Variants in AKAP6 observed in about 807,000 individuals in gnomAD.
The protein encoded by AKAP6 is A-kinase anchoring protein 6, also known as A-kinase anchor protein 6.
AKAP6 carries 58 observed loss-of-function variants against 188.5 expected under a neutral mutation model. The ratio of observed to expected loss-of-function variants is 0.31; its 90% CI spans 0.25 to 0.38. AKAP6 has a LOEUF of 0.38. AKAP6 is among the 10% of genes least tolerant of loss of function. AKAP6 has a pLI of 1.00. For missense variants in AKAP6, 2,710 were observed against 2,740.0 expected (o/e 0.99, Z 0.24); for synonymous variants, 989 against 998.6 (o/e 0.99, Z 0.18).
chr14:32,644,181 A>G (rs574410388), intron 7 of AKAP6, among the ~76,000 whole-genome samples: 1 of 152,322 alleles, frequency 6.6e-6, no homozygotes, highest in South Asian at 2.1e-4. Context: ...ACAGAATGAT[A>G]CAAAGGCACT....
intron 9 of AKAP6, among the ~76,000 whole-genome samples, chr14:32,722,611 A>C (rs1941456178): frequency 6.6e-6 from 1 of 152,162 alleles, no homozygotes; most frequent in Non-Finnish European, 1.5e-5. Context: ...TGCAGCACAG[A>C]AGGAGAGAAG....
At position 32,824,647 on chromosome 14, in the gene AKAP6, A is replaced by C. The variant is rs772177193; in HGVS notation, c.6834A>C (p.Gln2278His). ...CTGCTTCAGCCAAATCTAAAGTTCA[A>C]GACCTCTCCTTGAAGGCAAATCAGC... ...HNAASAKSKV[Q>H]DLSLKANQPT... Residue 2278 changes from glutamine to histidine, a missense_variant, in exon 13 of 14, where the codon CAA (glutamine) becomes CAC (histidine). Around this residue, in one of 2 missense-constraint regions of AKAP6, gnomAD observed 2,473 missense variants for 2,426.1 expected, o/e 1.02. Transcript: ENST00000280979. The C allele has an allele frequency of 2.5e-6, 4 of 1,613,962 alleles. No individual in the cohort carries two copies. In the Admixed American group the frequency reaches 6.7e-5, roughly 27 times the overall value.
intron 11 of AKAP6, among the ~76,000 whole-genome samples, chr14:32,747,833 A>G (rs1227869210): frequency 6.6e-6 from 1 of 152,242 alleles, no homozygotes; most frequent in East Asian, 1.9e-4. Flanking sequence ...ATATTTTGCT[A>G]GAAGAAGATG....
At chr14:32,450,484 G>A (rs527655298) in intron 2 of AKAP6, among the ~76,000 whole-genome samples, 1 of 152,242 alleles carries the variant, frequency 6.6e-6, no homozygotes, top group East Asian at 1.9e-4. Flanking sequence ...AAGGGGCAGG[G>A]CATATTTTGT....
intron 12 of AKAP6, among the ~76,000 whole-genome samples, chr14:32,776,138 C>A (rs1026161175): frequency 1.3e-5 from 2 of 152,186 alleles, no homozygotes; most frequent in African/African-American, 4.8e-5. Context: ...TCATATGTCC[C>A]CACTCCCATT....
chr14:32,751,207 C>T (rs2032124885), intron 11 of AKAP6, among the ~76,000 whole-genome samples: 1 of 151,878 alleles, frequency 6.6e-6, no homozygotes, highest in South Asian at 2.1e-4. Flanking sequence ...ATTTTTAGTA[C>T]TGGCTATTGG....
intron 1 of AKAP6, among the ~76,000 whole-genome samples, chr14:32,333,079 G>A (rs1886581882): frequency 6.6e-6 from 1 of 152,094 alleles, no homozygotes; most frequent in Admixed American, 6.6e-5. Flanking sequence ...GGGCTCATTA[G>A]CCTTTTCTAG....
chr14:32,815,689 G>C (rs1376108167), intron 12 of AKAP6, among the ~76,000 whole-genome samples: 1 of 152,124 alleles, frequency 6.6e-6, no homozygotes, highest in Non-Finnish European at 1.5e-5. Flanking sequence ...CACTGTTAAC[G>C]GTTATTTAGG....
intron 1 of AKAP6, among the ~76,000 whole-genome samples, chr14:32,400,658 G>T (rs147144207): frequency 1.4e-5 from 2 of 148,100 alleles, no homozygotes; most frequent in East Asian, 4.1e-4. Flanking sequence ...CTTCCTAATT[G>T]CTGACTCCTT....
chr14:32,522,110 T>C (rs1388500137), intron 2 of AKAP6, among the ~76,000 whole-genome samples: 3 of 152,332 alleles, frequency 2.0e-5, no homozygotes, highest in African/African-American at 4.8e-5. Flanking sequence ...ATTTAATAAA[T>C]GGTGCTGGGA....
At chr14:32,362,774 G>A (rs769994163) in intron 1 of AKAP6, among the ~76,000 whole-genome samples, 14 of 152,296 alleles carry the variant, frequency 9.2e-5, no homozygotes, top group East Asian at 1.9e-4. Context: ...GAATAGGGAA[G>A]TTGCACAATC....
rs1007188002 is a variant in AKAP6, at chr14:32,831,749, G to C, written c.*1944G>C. 1 of 152,222 alleles carries C rather than the reference G, an allele frequency of 6.6e-6. No individual in the cohort carries two copies. Among genetic ancestry groups the C allele is most frequent in the Non-Finnish European group, 1.5e-5 (1 of 68,046 alleles). The allele number at this position is 152,222 out of a possible 1,614,324, so 9.4% of individuals were successfully genotyped here. A position where few individuals can be genotyped will look rare whatever the true frequency, so the allele number is the denominator to read the frequency against. ...AGTGGGTACAAGGAGGAAGAAAAAG[G>C]GCTTGCAGAGAGTGGAAAGTTAGTG... On this transcript the variant is annotated 3_prime_UTR_variant, in exon 14 of 14. Coordinates refer to ENST00000280979, the MANE Select transcript of AKAP6 (RefSeq NM_004274.5).
intron 9 of AKAP6, among the ~76,000 whole-genome samples, chr14:32,714,582 A>C (rs1195978473): frequency 6.6e-6 from 1 of 152,022 alleles, no homozygotes; most frequent in African/African-American, 2.4e-5. Flanking sequence ...GTGGCAGATA[A>C]CTTCCATTGG....
intron 7 of AKAP6, among the ~76,000 whole-genome samples, chr14:32,668,459 A>G (rs1219019034): frequency 6.6e-6 from 1 of 152,112 alleles, no homozygotes; most frequent in Non-Finnish European, 1.5e-5. Context: ...AATAATGGAA[A>G]TGGTGTTAAT....
Position 32,491,103 on chromosome 14 carries a change from A to C in AKAP6, c.325-44451A>C, listed in dbSNP as rs138284625. Among the ~76,000 whole-genome samples the C allele has an allele frequency of 3.1e-3, 466 of 152,254 alleles. 5 individuals carry two copies. The highest frequency in any genetic ancestry group is 9.9e-3 in the African/African-American group (411 of 41,554). ...CACCAATCTCAGATTAATTCTGATC[A>C]TCTCAAAAGCTGGGCAGAATCTCCC... On this transcript the variant is annotated intron_variant, in intron 2 of 13. Coordinates refer to ENST00000280979, the MANE Select transcript of AKAP6 (RefSeq NM_004274.5).
At chr14:32,526,672 G>A (rs1286909085) in intron 2 of AKAP6, among the ~76,000 whole-genome samples, 2 of 152,198 alleles carry the variant, frequency 1.3e-5, no homozygotes, top group African/African-American at 4.8e-5. Context: ...GAGCCACCAT[G>A]TTCAGCCCAT....
intron 7 of AKAP6, among the ~76,000 whole-genome samples, chr14:32,646,464 A>G (rs1887990742): frequency 6.6e-6 from 1 of 152,116 alleles, no homozygotes; most frequent in African/African-American, 2.4e-5. Context: ...AGCTGCACGC[A>G]AGATCTACCA....
intron 1 of AKAP6, among the ~76,000 whole-genome samples, chr14:32,430,276 C>T (rs1038599986): frequency 1.3e-5 from 2 of 152,068 alleles, no homozygotes; most frequent in African/African-American, 2.4e-5. Flanking sequence ...TATCTAGTTC[C>T]GTTTTGTCAT....
At chr14:32,435,185 T>G (rs1471995884) in intron 2 of AKAP6, among the ~76,000 whole-genome samples, 1 of 152,124 alleles carries the variant, frequency 6.6e-6, no homozygotes, top group Non-Finnish European at 1.5e-5. Flanking sequence ...CTCTGTCCCC[T>G]CCAAGGCTAC....
Sources: allele counts gnomAD v4.1 joint callset (sites outside exome capture counted in the v4.1 genomes callset), GRCh38; gene constraint gnomAD v4.1.1; regional missense constraint gnomAD v4.1.1; transcripts MANE v1.5; gene names NCBI Gene and HGNC (gene_info 2026-07-23, HGNC 2026-07-21).